Variants in POLR3B observed in about 807,000 individuals in gnomAD.
The protein encoded by POLR3B is RNA polymerase III subunit B, also known as DNA-directed RNA polymerase III subunit RPC2.
A neutral mutation model predicts 147.4 loss-of-function variants in POLR3B; 96 were observed. That is an observed-to-expected ratio of 0.65 (90% CI 0.55 to 0.77). The LOEUF is 0.77. Among genes scored for constraint, POLR3B ranks in the 30% least tolerant of loss-of-function variants. POLR3B has a pLI of 0.00. For missense variants in POLR3B, 1,036 were observed against 1,413.5 expected, an observed-to-expected ratio of 0.73 and a Z score of 4.28; for synonymous variants, 461 against 485.9, an observed-to-expected ratio of 0.95 and a Z score of 0.67.
intron 8 of POLR3B, among the ~76,000 whole-genome samples, chr12:106,379,097 G>A (rs1282537634): frequency 1.3e-5 from 2 of 152,138 alleles, no homozygotes; most frequent in East Asian, 3.8e-4. Context: ...TACTTACTAG[G>A]AGCCAGGCAA....
rs2038751788 is a variant in POLR3B, at chr12:106,510,118, TCTC to T, written c.*572_*574del. 1 of 169,238 alleles carries T rather than the reference TCTC, an allele frequency of 5.9e-6. No individual in the cohort carries two copies. Among genetic ancestry groups the T allele is most frequent in the South Asian group, 1.5e-4 (1 of 6,550 alleles). 10.5% of individuals were successfully genotyped at this position (169,238 alleles called of 1,614,324 possible). ...ACCTTGTCAAGCAAGAATGTCGTCTTCTCCTATGGACTCAATTGCTATTATTTT... is the reference window on the plus strand; with the variant it reads ...ACCTTGTCAAGCAAGAATGTCGTCTTCTATGGACTCAATTGCTATTATTTT... On this transcript the variant is annotated 3_prime_UTR_variant, in exon 28 of 28. Coordinates refer to ENST00000228347, the MANE Select transcript of POLR3B (RefSeq NM_018082.6).
chr12:106,477,831 G>A (rs559697911), intron 23 of POLR3B, among the ~76,000 whole-genome samples: 4 of 148,928 alleles, frequency 2.7e-5, no homozygotes, highest in Non-Finnish European at 5.9e-5. Flanking sequence ...CTTCTGCGTC[G>A]CTCACGGGCT....
intron 12 of POLR3B, among the ~76,000 whole-genome samples, chr12:106,420,674 A>G (rs2037363225): frequency 6.6e-6 from 1 of 152,248 alleles, no homozygotes; most frequent in African/African-American, 2.4e-5. Flanking sequence ...GTCTGTTTTC[A>G]TGACTTACTG....
chr12:106,509,359 T>C, intron 27 of POLR3B, 61 bp from the exon 28 acceptor site: 1 of 1,584,404 alleles, frequency 6.3e-7, no homozygotes, highest in Non-Finnish European at 8.7e-7. Context: ...TCTCACTTCC[T>C]ACGTGGAGGC....
At chr12:106,390,265 TC>T (rs149678346) in intron 9 of POLR3B, among the ~76,000 whole-genome samples, 13 of 132,768 alleles carry the variant, frequency 9.8e-5, no homozygotes, top group African/African-American at 1.3e-4. Flanking sequence ...AAAAACTCTC[TC>T]CCCCCCCAGT....
chr12:106,444,615 G>A, intron 19 of POLR3B, 25 bp downstream of exon 19: 3 of 1,611,792 alleles, frequency 1.9e-6, no homozygotes, highest in South Asian at 2.2e-5. Flanking sequence ...TTGAAAGTTG[G>A]TTCTAAATAC....
intron 10 of POLR3B, among the ~76,000 whole-genome samples, chr12:106,401,323 C>A (rs916055251): frequency 1.2e-4 from 18 of 152,066 alleles, no homozygotes; most frequent in Non-Finnish European, 8.8e-5. Flanking sequence ...GAAATTGAGG[C>A]AATAATCAAT....
chr12:106,361,378 AT>A (rs2036467861), intron 1 of POLR3B, among the ~76,000 whole-genome samples: 1 of 152,196 alleles, frequency 6.6e-6, no homozygotes, highest in Non-Finnish European at 1.5e-5. Context: ...ACTGGGATAA[AT>A]GGTGATATTC....
chr12:106,395,902 G>A (rs551515967), intron 10 of POLR3B, among the ~76,000 whole-genome samples: 19 of 152,182 alleles, frequency 1.2e-4, no homozygotes, highest in African/African-American at 3.6e-4. Context: ...CCCAGGAGGC[G>A]GAGGTTGCAG....
At chr12:106,377,425 A>C (rs2036696147) in intron 7 of POLR3B, among the ~76,000 whole-genome samples, 1 of 152,184 alleles carries the variant, frequency 6.6e-6, no homozygotes, top group South Asian at 2.1e-4. Flanking sequence ...AATATGTTGT[A>C]TTGTTTTTGC....
At chr12:106,388,903 A>G (rs2036878352) in intron 9 of POLR3B, among the ~76,000 whole-genome samples, 1 of 152,188 alleles carries the variant, frequency 6.6e-6, no homozygotes, top group Non-Finnish European at 1.5e-5. Context: ...AAAAGACCTC[A>G]TGCCACTTTT....
intron 23 of POLR3B, among the ~76,000 whole-genome samples, chr12:106,494,226 G>A (rs1489030962): frequency 6.6e-6 from 1 of 152,124 alleles, no homozygotes; most frequent in African/African-American, 2.4e-5. Flanking sequence ...AACACAAAAT[G>A]TAAGTCATCT....
At chr12:106,495,263 T>C (rs1469049968) in intron 23 of POLR3B, among the ~76,000 whole-genome samples, 2 of 152,218 alleles carry the variant, frequency 1.3e-5, no homozygotes, top group Non-Finnish European at 2.9e-5. Context: ...AGGGAATTAA[T>C]TTAAGAGAAT....
chr12:106,408,702 C>T (rs914522657), intron 11 of POLR3B, among the ~76,000 whole-genome samples: 7 of 152,176 alleles, frequency 4.6e-5, no homozygotes, highest in Admixed American at 1.3e-4. Context: ...CCCCCTCTTT[C>T]ACATAATCCA....
chr12:106,391,624 T>G (rs1047678812), intron 9 of POLR3B, among the ~76,000 whole-genome samples: 1 of 152,236 alleles, frequency 6.6e-6, no homozygotes, highest in Non-Finnish European at 1.5e-5. Context: ...CATTTTGAGC[T>G]GGAAGGGATC....
At chr12:106,425,777 GC>G (rs1337490714) in intron 12 of POLR3B, among the ~76,000 whole-genome samples, 7 of 152,084 alleles carry the variant, frequency 4.6e-5, no homozygotes, top group Non-Finnish European at 8.8e-5. Flanking sequence ...TAAAATTTTA[GC>G]TGATTCCTTC....
intron 18 of POLR3B, among the ~76,000 whole-genome samples, chr12:106,442,810 A>G (rs1339723903): frequency 2.0e-5 from 3 of 152,186 alleles, no homozygotes; most frequent in Non-Finnish European, 4.4e-5. Flanking sequence ...CACAGAGATC[A>G]CAGATCCTGG....
intron 10 of POLR3B, among the ~76,000 whole-genome samples, chr12:106,401,428 T>C (rs1386177217): frequency 2.0e-5 from 3 of 152,168 alleles, no homozygotes; most frequent in South Asian, 4.2e-4. Flanking sequence ...TTCCAATCAA[T>C]AGAAAAAGAG....
chr12:106,485,152 C>T (rs529042495), intron 23 of POLR3B, among the ~76,000 whole-genome samples: 1 of 152,136 alleles, frequency 6.6e-6, no homozygotes, highest in African/African-American at 2.4e-5. Context: ...AGTGGAGGAG[C>T]GTGGCACCAG....
Sources: allele counts gnomAD v4.1 joint callset (sites outside exome capture counted in the v4.1 genomes callset), GRCh38; gene constraint gnomAD v4.1.1; transcripts MANE v1.5; gene names NCBI Gene and HGNC (gene_info 2026-07-23, HGNC 2026-07-21).